The following GRIK1 variants were observed in gnomAD, a reference collection of about 807,000 sequenced individuals.
GRIK1 encodes the protein glutamate receptor ionotropic, kainate 1.
Under a neutral mutation model 105.7 loss-of-function variants are expected in GRIK1, and 69 were observed. The ratio of observed to expected loss-of-function variants is 0.65; its 90% CI spans 0.54 to 0.80. GRIK1 has a LOEUF of 0.80. Ranked by LOEUF, GRIK1 falls within the 30% of genes least tolerant of loss-of-function variation. The pLI, the probability that GRIK1 is intolerant of heterozygous loss-of-function variation, is 0.00. For synonymous variants in GRIK1, 438 were observed against 431.3 expected, an observed-to-expected ratio of 1.02 and a Z score of -0.19; for missense variants, 1,109 against 1,167.3, an observed-to-expected ratio of 0.95 and a Z score of 0.73.
intron 1 of GRIK1, among the ~76,000 whole-genome samples, chr21:29,803,955 G>A (rs1217547999): frequency 6.6e-6 from 1 of 152,062 alleles, no homozygotes; most frequent in African/African-American, 2.4e-5. Context: ...TAAGGAGAAG[G>A]AAAAGAGCTG....
At chr21:29,756,880 G>C (rs1041163158) in intron 1 of GRIK1, among the ~76,000 whole-genome samples, 1 of 152,112 alleles carries the variant, frequency 6.6e-6, no homozygotes. Context: ...TTGGGAGGCC[G>C]AGGTGGGCGG....
At chr21:29,803,753 T>C (rs2145864852) in intron 1 of GRIK1, among the ~76,000 whole-genome samples, 1 of 152,236 alleles carries the variant, frequency 6.6e-6, no homozygotes, top group Non-Finnish European at 1.5e-5. Flanking sequence ...ATGTTTTTTT[T>C]TCCCAGCTAA....
chr21:29,774,406 G>A (rs1290028258), intron 1 of GRIK1, among the ~76,000 whole-genome samples: 1 of 150,536 alleles, frequency 6.6e-6, no homozygotes, highest in Non-Finnish European at 1.5e-5. Context: ...ATCTGTTGAA[G>A]ATCAGTGTAG....
chr21:29,699,014 T>C (rs1018830207), intron 1 of GRIK1, among the ~76,000 whole-genome samples: 7 of 152,200 alleles, frequency 4.6e-5, no homozygotes, highest in African/African-American at 1.7e-4. Context: ...ACTGTACTTT[T>C]CTGGGAAGCA....
intron 7 of GRIK1, among the ~76,000 whole-genome samples, chr21:29,600,918 A>G (rs2061505907): frequency 1.3e-5 from 2 of 152,188 alleles, no homozygotes; most frequent in South Asian, 2.1e-4. Context: ...TGCAATTTTC[A>G]CCAGCACATA....
chr21:29,886,976 G>A (rs963991523), intron 1 of GRIK1, among the ~76,000 whole-genome samples: 1 of 152,104 alleles, frequency 6.6e-6, no homozygotes, highest in African/African-American at 2.4e-5. Context: ...TTTATTTGGG[G>A]GGATGATTAA....
chr21:29,717,090 T>G (rs2064196708), intron 1 of GRIK1, among the ~76,000 whole-genome samples: 1 of 152,232 alleles, frequency 6.6e-6, no homozygotes, highest in Admixed American at 6.5e-5. Context: ...ACACAGGTTG[T>G]TGAGGCTGTA....
chr21:29,845,375 T>C lies in GRIK1; in HGVS notation c.118+94008A>G, dbSNP rs369642123. Among the ~76,000 whole-genome samples, 17 of 152,278 alleles carry C rather than the reference T, an allele frequency of 1.1e-4. No homozygotes were observed. In the South Asian group the frequency reaches 2.9e-3, roughly 26 times the overall value. On this transcript the variant is annotated intron_variant, in intron 1 of 17. Coordinates refer to ENST00000327783, the MANE Select transcript of GRIK1 (RefSeq NM_001330994.2). ...CATATTTATGGTCATTTGAAAATCCTCATTCTTTTCTATTTTGTTTTGTGA... is the reference window on the plus strand; with the variant it reads ...CATATTTATGGTCATTTGAAAATCCCCATTCTTTTCTATTTTGTTTTGTGA...
rs956626812 is a variant in GRIK1 at position 29,846,251 on chromosome 21, C to G, written c.118+93132G>C. The stretch of plus-strand genomic sequence containing the variant: ...ACTAAAATACAAAATTAGCCGGGCG[C>G]GTGGCGCATGCCTGTAATCCCAGCT... On this transcript the variant is annotated intron_variant, in intron 1 of 17. Transcript: ENST00000327783. Among the ~76,000 whole-genome samples, 427 of 151,676 alleles carry G rather than the reference C, an allele frequency of 2.8e-3. 4 individuals carry two copies. Among genetic ancestry groups the G allele is most frequent in the African/African-American group, 9.4e-3 (387 of 41,276 alleles).
At chr21:29,656,086 G>C (rs1177866257) in intron 4 of GRIK1, among the ~76,000 whole-genome samples, 1 of 151,222 alleles carries the variant, frequency 6.6e-6, no homozygotes, top group Non-Finnish European at 1.5e-5. Flanking sequence ...AGAGAAGGCC[G>C]GGTGCGGTGG....
At chr21:29,638,091 A>G (rs2062433648) in intron 7 of GRIK1, among the ~76,000 whole-genome samples, 2 of 152,192 alleles carry the variant, frequency 1.3e-5, no homozygotes, top group Admixed American at 1.3e-4. Flanking sequence ...ATGTTTGGCA[A>G]TATACTTAAT....
intron 1 of GRIK1, among the ~76,000 whole-genome samples, chr21:29,737,588 T>C (rs141751016): frequency 6.6e-5 from 10 of 152,368 alleles, no homozygotes; most frequent in Middle Eastern, 6.8e-3. Flanking sequence ...GAATAACTAA[T>C]GTTTTAGTTG....
intron 2 of GRIK1, among the ~76,000 whole-genome samples, chr21:29,691,368 A>G (rs2063581749): frequency 6.6e-6 from 1 of 152,216 alleles, no homozygotes; most frequent in African/African-American, 2.4e-5. Flanking sequence ...ATTTTTGGCT[A>G]TTATAAATAA....
chr21:29,785,814 A>G (rs927434026), intron 1 of GRIK1, among the ~76,000 whole-genome samples: 3 of 152,140 alleles, frequency 2.0e-5, no homozygotes, highest in African/African-American at 4.8e-5. Flanking sequence ...TCCATTCCCA[A>G]GGCTTTATCC....
At chr21:29,927,144 A>T (rs2071396911) in intron 1 of GRIK1, among the ~76,000 whole-genome samples, 1 of 152,172 alleles carries the variant, frequency 6.6e-6, no homozygotes. Flanking sequence ...TGCCTTGCCC[A>T]GTTATTCGAA....
At chr21:29,537,429 C>T (rs373645985) in intron 17 of GRIK1, 44 bp from the exon 18 acceptor site, 175 of 1,510,192 alleles carry the variant, frequency 1.2e-4, no homozygotes, top group African/African-American at 1.5e-4. Flanking sequence ...TTAAGCCTAT[C>T]GCATGTGCCG....
chr21:29,567,672 C>G (rs999047771), intron 14 of GRIK1, among the ~76,000 whole-genome samples: 5 of 152,230 alleles, frequency 3.3e-5, no homozygotes, highest in Admixed American at 3.3e-4. Context: ...TGATTTAAGA[C>G]AACCCTTAAA....
intron 1 of GRIK1, chr21:29,761,475 A>G (rs1387584926): frequency 1.3e-5 from 2 of 152,212 alleles, no homozygotes; most frequent in Non-Finnish European, 2.9e-5. Context: ...AATATGTTGA[A>G]GAAAAGATCG....
At chr21:29,549,667 G>GA (rs938140018) in intron 16 of GRIK1, among the ~76,000 whole-genome samples, 10 of 149,910 alleles carry the variant, frequency 6.7e-5, no homozygotes, top group Non-Finnish European at 1.2e-4. Context: ...CATAAAGCTT[G>GA]AAAAAAAAAT....
Sources: gnomAD v4.1 joint callset for allele counts (sites outside exome capture counted in the v4.1 genomes callset) on GRCh38, gnomAD v4.1.1 for gene constraint, MANE v1.5 for transcripts, NCBI Gene and HGNC (gene_info 2026-07-23, HGNC 2026-07-21) for gene names.